Variants in SEMA3D observed in about 807,000 individuals in gnomAD.
SEMA3D encodes the protein semaphorin-3D.
In SEMA3D, 84 loss-of-function variants were observed where a neutral mutation model predicts 100.1. The ratio of observed to expected loss-of-function variants is 0.84; its 90% confidence interval spans 0.70 to 1.01. The LOEUF is 1.01. Ranked by LOEUF, SEMA3D falls within the 50% of genes least tolerant of loss-of-function variation. SEMA3D has a pLI of 0.00. For missense variants in SEMA3D, 875 were observed against 934.1 expected (o/e 0.94, Z 0.82); for synonymous variants, 312 against 320.7 (o/e 0.97, Z 0.29).
At chr7:85,063,678 T>C (rs980090826) in intron 8 of SEMA3D, among the ~76,000 whole-genome samples, 3 of 152,202 alleles carry the variant, frequency 2.0e-5, no homozygotes, top group Non-Finnish European at 4.4e-5. Context: ...CTCTTGTCTC[T>C]CTGTCCTCGT....
chr7:85,073,089 G>T lies in SEMA3D; in HGVS notation c.376-8C>A. 1 of 1,610,342 alleles carries T rather than the reference G, an allele frequency of 6.2e-7. No individual in the cohort carries two copies. Among genetic ancestry groups the T allele is most frequent in the Non-Finnish European group, 8.5e-7 (1 of 1,178,844 alleles). On this transcript the variant is annotated splice_polypyrimidine_tract_variant and splice_region_variant and intron_variant, in intron 5 of 18. Transcript: ENST00000284136. Reference sequence around the variant, plus strand: ...GAAATTTGCACATTCTGTCTGTTGGGCACAAAAATTAAAAGCATTAACACA... The same window carrying T: ...GAAATTTGCACATTCTGTCTGTTGGTCACAAAAATTAAAAGCATTAACACA...
intron 2 of SEMA3D, among the ~76,000 whole-genome samples, chr7:85,128,202 C>G (rs149424502): frequency 6.6e-6 from 1 of 151,776 alleles, no homozygotes; most frequent in South Asian, 2.1e-4. Flanking sequence ...GAGTCTCACT[C>G]TGTCAACCAG....
the SEMA3D span, among the ~76,000 whole-genome samples, chr7:85,232,869 T>C: frequency 6.6e-6 from 1 of 152,176 alleles, no homozygotes; most frequent in Admixed American, 6.5e-5. Context: ...AAATTGTGGT[T>C]CTAATGCAAC....
the SEMA3D span, among the ~76,000 whole-genome samples, chr7:85,232,239 T>C: frequency 3.3e-5 from 5 of 152,206 alleles, no homozygotes; most frequent in African/African-American, 1.2e-4. Flanking sequence ...TTTGTGCCAT[T>C]ATGTCATTGC....
At chr7:85,078,246 C>T (rs1016258914) in intron 5 of SEMA3D, among the ~76,000 whole-genome samples, 1 of 149,026 alleles carries the variant, frequency 6.7e-6, no homozygotes, top group African/African-American at 2.5e-5. Context: ...CTACAATGAA[C>T]ATTCTATTTT....
At chr7:85,214,842 T>C in the SEMA3D span, among the ~76,000 whole-genome samples, 1 of 152,144 alleles carries the variant, frequency 6.6e-6, no homozygotes, top group Non-Finnish European at 1.5e-5. Flanking sequence ...TTTCTACATA[T>C]AAACCCAATA....
chr7:85,131,929 A>T (rs1274712438), intron 2 of SEMA3D, among the ~76,000 whole-genome samples: 1 of 151,856 alleles, frequency 6.6e-6, no homozygotes, highest in East Asian at 1.9e-4. Context: ...TTTAAAATTT[A>T]TTCTTCCTAA....
At chr7:85,030,743 A>C (rs1177560638) in intron 12 of SEMA3D, among the ~76,000 whole-genome samples, 1 of 152,074 alleles carries the variant, frequency 6.6e-6, no homozygotes, top group South Asian at 2.1e-4. Context: ...TCAGTTATAA[A>C]AAACCAACTA....
At chr7:85,148,389 G>C (rs777095379) in intron 2 of SEMA3D, among the ~76,000 whole-genome samples, 1 of 152,100 alleles carries the variant, frequency 6.6e-6, no homozygotes, top group Non-Finnish European at 1.5e-5. Flanking sequence ...TTACTAAGCA[G>C]GAAATGGTTA....
At chr7:85,147,040 A>T (rs2116477816) in intron 2 of SEMA3D, among the ~76,000 whole-genome samples, 2 of 149,932 alleles carry the variant, frequency 1.3e-5, no homozygotes, top group African/African-American at 4.9e-5. Context: ...TCACAGTTCT[A>T]GTCACAGAAG....
At chr7:85,160,323 G>A (rs773397507) in intron 1 of SEMA3D, among the ~76,000 whole-genome samples, 14 of 151,460 alleles carry the variant, frequency 9.2e-5, no homozygotes, top group Non-Finnish European at 2.1e-4. Context: ...GAAGATAATG[G>A]GTCTGATGAA....
At chr7:85,011,339 G>A (rs551800734) in intron 17 of SEMA3D, among the ~76,000 whole-genome samples, 2 of 151,900 alleles carry the variant, frequency 1.3e-5, no homozygotes, top group African/African-American at 4.8e-5. Context: ...GACAAGAATA[G>A]ATTGGATAGA....
chr7:85,040,639 C>T, intron 11 of SEMA3D, 34 bp downstream of exon 11: 1 of 1,053,620 alleles, frequency 9.5e-7, no homozygotes, highest in South Asian at 1.3e-5. Context: ...ATATACAATT[C>T]TCTGAAGCAT....
In SEMA3D at chr7:85,102,082, TA is replaced by T. The variant is rs200328864; in HGVS notation, c.152-4118del. Among the ~76,000 whole-genome samples, 1,097 of 152,130 alleles carry T rather than the reference TA, an allele frequency of 7.2e-3. 7 individuals are homozygous for T. Among genetic ancestry groups the T allele is most frequent in the Admixed American group, 0.012 (176 of 15,238 alleles). On this transcript the variant is annotated intron_variant, in intron 3 of 18. Transcript: ENST00000284136. ...ACAGATCAGTGTGGAACCAGTTATG[TA>T]TATAAAACACAACATACGTGAAATA...
At chr7:85,092,586 A>T (rs1156800159) in intron 4 of SEMA3D, among the ~76,000 whole-genome samples, 1 of 152,058 alleles carries the variant, frequency 6.6e-6, no homozygotes, top group Non-Finnish European at 1.5e-5. Flanking sequence ...ATATTAAATG[A>T]TGCTTAAGTC....
At chr7:85,169,178 C>T (rs1204512876) in intron 1 of SEMA3D, among the ~76,000 whole-genome samples, 1 of 151,664 alleles carries the variant, frequency 6.6e-6, no homozygotes, top group African/African-American at 2.4e-5. Context: ...TTTGTCAAGG[C>T]TTATACTCCA....
In SEMA3D at chr7:85,112,822, T is replaced by C. The variant is rs1164197984; in HGVS notation, c.151+8919A>G. 2.0e-5 allele frequency among the ~76,000 whole-genome samples: 3 copies of C among 152,360 alleles called. No homozygotes were observed. The East Asian group carries it at 5.8e-4, about 29-fold the overall frequency. On this transcript the variant is annotated intron_variant, in intron 3 of 18. Coordinates refer to ENST00000284136, the MANE Select transcript of SEMA3D (RefSeq NM_001384900.1). ...CTGAAATGATATTCACCTGTTTGTTTGCTTCTTCACTGTTTGTCTCCCTAA... is the reference window on the plus strand; with the variant it reads ...CTGAAATGATATTCACCTGTTTGTTCGCTTCTTCACTGTTTGTCTCCCTAA...
At chr7:85,075,522 A>C (rs1482770434) in intron 5 of SEMA3D, among the ~76,000 whole-genome samples, 4 of 152,048 alleles carry the variant, frequency 2.6e-5, no homozygotes, top group Admixed American at 2.6e-4. Flanking sequence ...AAGTAGCCTA[A>C]TATGCCAATT....
intron 2 of SEMA3D, chr7:85,143,239 G>T: frequency 1.6e-6 from 1 of 641,716 alleles, no homozygotes; most frequent in Non-Finnish European, 1.9e-6. Context: ...TAAAGTAAAT[G>T]TTAATACTTT....
Sources: allele counts gnomAD v4.1 joint callset (sites outside exome capture counted in the v4.1 genomes callset), GRCh38; gene constraint gnomAD v4.1.1; transcripts MANE v1.5; gene names NCBI Gene and HGNC (gene_info 2026-07-23, HGNC 2026-07-21).